Variants in AGTPBP1 observed in about 807,000 individuals in gnomAD.
AGTPBP1 encodes the protein cytosolic carboxypeptidase 1.
AGTPBP1 carries 70 observed loss-of-function variants against 143.9 expected under a neutral mutation model. The ratio of observed to expected loss-of-function variants is 0.49; its 90% CI spans 0.40 to 0.59. The LOEUF (loss-of-function observed/expected upper bound fraction) is 0.59, where lower values mean the gene tolerates loss of function less well. Among genes scored for constraint, AGTPBP1 ranks in the 20% least tolerant of loss-of-function variants. AGTPBP1 has a pLI of 0.00. For missense variants in AGTPBP1, 1,229 were observed against 1,464.5 expected (o/e 0.84, Z 2.62); for synonymous variants, 463 against 500.2 (o/e 0.93, Z 0.99).
chr9:85,580,516 C>T (rs1284400600), intron 23 of AGTPBP1, among the ~76,000 whole-genome samples: 1 of 151,766 alleles, frequency 6.6e-6, no homozygotes, highest in Non-Finnish European at 1.5e-5. Flanking sequence ...GGAGAAAAGA[C>T]TATTTTAAAA....
chr9:85,774,066 G>T, the AGTPBP1 span: 1 of 1,427,426 alleles, frequency 7.0e-7, no homozygotes, highest in African/African-American at 1.4e-5. Flanking sequence ...GTTATGTAAA[G>T]TTGATGTGTA....
intron 3 of AGTPBP1, among the ~76,000 whole-genome samples, chr9:85,689,260 T>G: frequency 6.6e-6 from 1 of 152,172 alleles, no homozygotes; most frequent in Non-Finnish European, 1.5e-5. Context: ...CCACAAAGCC[T>G]AAAATATGTC....
the AGTPBP1 span, among the ~76,000 whole-genome samples, chr9:85,749,441 C>T: frequency 6.6e-6 from 1 of 152,242 alleles, no homozygotes; most frequent in South Asian, 2.1e-4. Flanking sequence ...AAACAGAAAA[C>T]CTGCTTACAG....
At chr9:85,684,972 T>A (rs1158690048) in intron 3 of AGTPBP1, among the ~76,000 whole-genome samples, 22 of 150,030 alleles carry the variant, frequency 1.5e-4, no homozygotes, top group Non-Finnish European at 3.0e-5. Flanking sequence ...AGTGCACACT[T>A]GAGAATAAAA....
upstream of AGTPBP1, among the ~76,000 whole-genome samples, chr9:85,742,547 G>A (rs942543666): frequency 2.6e-5 from 4 of 152,116 alleles, no homozygotes; most frequent in Non-Finnish European, 4.4e-5. Flanking sequence ...AAAACAACAG[G>A]ATTGCACCTT....
chr9:85,698,818 G>A lies in AGTPBP1; in HGVS notation c.33-6005C>T, dbSNP rs1161384020. Among the ~76,000 whole-genome samples the A allele has an allele frequency of 3.4e-5, 5 of 147,690 alleles. No individual in the cohort carries two copies. In the South Asian group the frequency reaches 6.7e-4, roughly 20 times the overall value. Reference sequence around the variant, plus strand: ...CGCCATTCTCCTGCCTCAGCCTCCCGAGTAGCTGGGACTACAGGCGCCTGC... The same window carrying A: ...CGCCATTCTCCTGCCTCAGCCTCCCAAGTAGCTGGGACTACAGGCGCCTGC... On this transcript the variant is annotated intron_variant, in intron 2 of 25. Transcript: ENST00000357081.
At chr9:85,612,487 G>A (rs931861206) in intron 17 of AGTPBP1, among the ~76,000 whole-genome samples, 4 of 152,118 alleles carry the variant, frequency 2.6e-5, no homozygotes, top group African/African-American at 9.7e-5. Flanking sequence ...CCTGTTCATC[G>A]GGCTGTTCAT....
At chr9:85,793,812 G>A in the AGTPBP1 span, among the ~76,000 whole-genome samples, 2 of 151,982 alleles carry the variant, frequency 1.3e-5, no homozygotes, top group Non-Finnish European at 2.9e-5. Flanking sequence ...GTTCTTATAT[G>A]GGAAATAATC....
chr9:85,586,562 G>C (rs1165881998), intron 22 of AGTPBP1, among the ~76,000 whole-genome samples: 1 of 152,134 alleles, frequency 6.6e-6, no homozygotes, highest in Non-Finnish European at 1.5e-5. Flanking sequence ...CTTCTAGTTT[G>C]AGAATTTGGA....
chr9:85,578,392 C>A (rs1424382446), intron 24 of AGTPBP1, among the ~76,000 whole-genome samples: 2 of 152,182 alleles, frequency 1.3e-5, no homozygotes, highest in African/African-American at 4.8e-5. Flanking sequence ...AGGAGGACTG[C>A]TTGAGGCCAG....
the AGTPBP1 span, among the ~76,000 whole-genome samples, chr9:85,761,582 T>C: frequency 1.3e-5 from 2 of 152,210 alleles, no homozygotes; most frequent in African/African-American, 4.8e-5. Context: ...TGTAGAAAGC[T>C]GAAACTGGAT....
At chr9:85,573,596 G>A (rs1368375354) in intron 25 of AGTPBP1, among the ~76,000 whole-genome samples, 2 of 150,282 alleles carry the variant, frequency 1.3e-5, no homozygotes, top group Non-Finnish European at 3.0e-5. Context: ...CCCTCTGCCC[G>A]GCTGCCCAGT....
At chr9:85,805,366 C>T in the AGTPBP1 span, 5 of 152,358 alleles carry the variant, frequency 3.3e-5, no homozygotes, top group African/African-American at 9.6e-5. Flanking sequence ...CGCCCCTCAC[C>T]GCGGCCTGCA....
chr9:85,705,487 G>A (rs1220272320), intron 2 of AGTPBP1, among the ~76,000 whole-genome samples: 1 of 151,432 alleles, frequency 6.6e-6, no homozygotes, highest in Non-Finnish European at 1.5e-5. Flanking sequence ...GACCAGCCTG[G>A]GCAACATAGC....
chr9:85,602,361 A>G lies in AGTPBP1; in HGVS notation c.2336-5912T>C, dbSNP rs147888367. Among the ~76,000 whole-genome samples the G allele has an allele frequency of 3.4e-3, 520 of 152,294 alleles. 1 individual carries two copies. The highest frequency in any genetic ancestry group is 5.9e-3 in the Non-Finnish European group (404 of 68,018). On this transcript the variant is annotated intron_variant, in intron 17 of 25. Transcript: ENST00000357081. The stretch of plus-strand genomic sequence containing the variant: ...TATTCATTAAATGATAGAAAAAAAT[A>G]TATTAGAGAGCTTTGACAATAGACT...
chr9:85,643,845 C>T (rs1832647275), intron 12 of AGTPBP1, among the ~76,000 whole-genome samples: 1 of 152,158 alleles, frequency 6.6e-6, no homozygotes. Context: ...ACTCTGGCCT[C>T]ACACAAACTA....
the AGTPBP1 span, among the ~76,000 whole-genome samples, chr9:85,754,418 G>A: frequency 3.9e-5 from 6 of 152,110 alleles, no homozygotes; most frequent in African/African-American, 7.2e-5. Flanking sequence ...TTTCGATTTC[G>A]TGATCTGCCT....
Position 85,692,762 on chromosome 9 carries a change from G to T in AGTPBP1, c.84C>A (p.Ile28=), listed in dbSNP as rs763266030. 6.8e-6 allele frequency: 11 copies of T among 1,613,890 alleles called. No homozygotes were observed. In the Admixed American group the frequency reaches 1.3e-4, roughly 20 times the overall value. Reference sequence around the variant, plus strand: ...TGTCTGATTCTGAAGGCTCAGCATTGATCTTCTCCAGTTGAGCCAGGAGTC... The same window carrying T: ...TGTCTGATTCTGAAGGCTCAGCATTTATCTTCTCCAGTTGAGCCAGGAGTC... ...IVGLLAQLEK[I]NAEPSESDTA... is the part of the protein sequence containing the mutation. Residue 28 remains isoleucine (I), a synonymous_variant, in exon 3 of 26, where the codon ATC becomes ATA. Coordinates refer to ENST00000357081, the MANE Select transcript of AGTPBP1 (RefSeq NM_001330701.2).
chr9:85,614,818 C>G (rs1215524170), intron 17 of AGTPBP1, among the ~76,000 whole-genome samples: 1 of 151,926 alleles, frequency 6.6e-6, no homozygotes, highest in Non-Finnish European at 1.5e-5. Flanking sequence ...GGACATGTGT[C>G]TAAGAGGTCA....
Sources: gnomAD v4.1 joint callset for allele counts (sites outside exome capture counted in the v4.1 genomes callset) on GRCh38, gnomAD v4.1.1 for gene constraint, MANE v1.5 for transcripts, NCBI Gene and HGNC (gene_info 2026-07-23, HGNC 2026-07-21) for gene names.